KYNU: variants seen among roughly 807,000 people sequenced by gnomAD.
The protein encoded by KYNU is L-kynurenine hydrolase.
Under a neutral mutation model 59.2 loss-of-function variants are expected in KYNU, and 54 were observed. The observed-to-expected ratio is 0.91, with a 90% CI of 0.73 to 1.14. The LOEUF (loss-of-function observed/expected upper bound fraction) is 1.14, where lower values mean the gene tolerates loss of function less well. KYNU is among the 50% of genes most tolerant of loss of function. The pLI, the probability that KYNU is intolerant of heterozygous loss-of-function variation, is 0.00. For missense variants in KYNU, 567 were observed against 554.4 expected (o/e 1.02, Z -0.23); for synonymous variants, 177 against 192.0 (o/e 0.92, Z 0.65).
At chr2:143,010,507 A>G (rs1452207725) in intron 10 of KYNU, among the ~76,000 whole-genome samples, 4 of 125,972 alleles carry the variant, frequency 3.2e-5, no homozygotes, top group East Asian at 4.8e-4. Flanking sequence ...TACAGATTCA[A>G]TGCCATCCCC....
intron 8 of KYNU, chr2:142,971,514 C>T (rs1162198053): frequency 6.6e-6 from 1 of 152,196 alleles, no homozygotes; most frequent in East Asian, 1.9e-4. Flanking sequence ...TACTTCCACA[C>T]CATGATGAAA....
rs1215928350 is a variant in KYNU at position 143,053,419 on chromosome 2, G to A, written c.*11247G>A. 6.6e-6 allele frequency: 1 copy of A among 152,208 alleles called. No homozygotes were observed. Among genetic ancestry groups the A allele is most frequent in the East Asian group, 1.9e-4 (1 of 5,194 alleles). The allele number at this position is 152,208 out of a possible 1,614,324, so 9.4% of individuals were successfully genotyped here. On this transcript the variant is annotated 3_prime_UTR_variant, in exon 14 of 14. Transcript: ENST00000264170. ...TGAGTTAAGACTTTGGGTGACTGTT[G>A]CGAAGACATGATTGGTTTTGAAATG...
In KYNU at chr2:142,985,142, A is replaced by G. The variant is rs1458654786; in HGVS notation, c.788A>G (p.His263Arg). 2.5e-6 allele frequency: 4 copies of G among 1,611,354 alleles called. No homozygotes were observed. The highest frequency in any genetic ancestry group is 3.4e-6 in the Non-Finnish European group (4 of 1,178,092). Residue 263 changes from histidine to arginine, a missense_variant, in exon 9 of 14, where the codon CAT (histidine) becomes CGT (arginine). By Grantham distance (29) the His-to-Arg change is conservative. Transcript: ENST00000264170. ...GTTGGAAATGTTGAACTCTACTTAC[A>G]TGACTGGGGAGTTGATTTTGCCTGC... ...HAVGNVELYL[H>R]DWGVDFACWC...
At chr2:142,878,677 G>A (rs1010841759) in intron 1 of KYNU, among the ~76,000 whole-genome samples, 14 of 152,058 alleles carry the variant, frequency 9.2e-5, no homozygotes, top group South Asian at 4.1e-4. Flanking sequence ...CTGTGATTTC[G>A]TTAAAATCAA....
At chr2:143,015,452 T>A (rs891218717) in intron 10 of KYNU, among the ~76,000 whole-genome samples, 3 of 152,126 alleles carry the variant, frequency 2.0e-5, no homozygotes, top group African/African-American at 7.2e-5. Flanking sequence ...TGGTAATTAT[T>A]CACAGTGTCA....
In KYNU at chr2:143,042,917, C is replaced by T. The variant is rs1466821019; in HGVS notation, c.*745C>T. 1.3e-5 allele frequency: 2 copies of T among 149,892 alleles called. No individual in the cohort carries two copies. Among genetic ancestry groups the T allele is most frequent in the Non-Finnish European group, 3.0e-5 (2 of 67,196 alleles). 9.3% of individuals were successfully genotyped at this position (149,892 alleles called of 1,614,324 possible). A position where few individuals can be genotyped will look rare whatever the true frequency, so the allele number is the denominator to read the frequency against. On this transcript the variant is annotated 3_prime_UTR_variant, in exon 14 of 14. Transcript: ENST00000264170. ...GAAATTAGCATGCATCTCAAATAAA[C>T]AGTTACCATCTTCTATTTGATAAAA...
intron 12 of KYNU, among the ~76,000 whole-genome samples, chr2:143,034,563 A>G (rs1283290288): frequency 1.3e-5 from 2 of 152,188 alleles, no homozygotes; most frequent in African/African-American, 2.4e-5. Context: ...TACTCAGTTT[A>G]ACCACTAGAT....
At chr2:142,953,525 C>T (rs1002252538) in intron 4 of KYNU, among the ~76,000 whole-genome samples, 1 of 152,162 alleles carries the variant, frequency 6.6e-6, no homozygotes, top group African/African-American at 2.4e-5. Context: ...GAAATCTTCT[C>T]TTTGAAACAT....
chr2:142,904,794 C>T (rs1682228010), intron 2 of KYNU, among the ~76,000 whole-genome samples: 1 of 152,148 alleles, frequency 6.6e-6, no homozygotes, highest in Non-Finnish European at 1.5e-5. Context: ...CGGTGTGTAA[C>T]CACCCATGGA....
chr2:142,985,002 C>G lies in KYNU; in HGVS notation c.730-82C>G, dbSNP rs1685156837. 8.0e-6 allele frequency: 7 copies of G among 871,740 alleles called. No individual in the cohort carries two copies. In the South Asian group the frequency reaches 9.5e-5, roughly 12 times the overall value. 54.0% of individuals were successfully genotyped at this position (871,740 alleles called of 1,614,324 possible). A position where few individuals can be genotyped will look rare whatever the true frequency, so the allele number is the denominator to read the frequency against. ...CATAATTTATGGTACAGAAGTTTGTCAAATGTTTTCTTAAAAATATTTGTA... is the reference window on the plus strand; with the variant it reads ...CATAATTTATGGTACAGAAGTTTGTGAAATGTTTTCTTAAAAATATTTGTA... On this transcript the variant is annotated intron_variant, in intron 8 of 13. Coordinates refer to ENST00000264170, the MANE Select transcript of KYNU (RefSeq NM_003937.3).
At position 143,055,620 on chromosome 2, in the gene KYNU, GTCA is replaced by G. The variant is rs1360764432; in HGVS notation, c.*13451_*13453del. On this transcript the variant is annotated 3_prime_UTR_variant, in exon 14 of 14. Transcript: ENST00000264170. ...ACATGGACATCTTTGAGGGTCATTA[GTCA>G]TCTTACCACAGGAAGGAAGGAAGGA... 3.5e-5 allele frequency: 5 copies of G among 142,530 alleles called. No homozygotes were observed. The highest frequency in any genetic ancestry group is 1.3e-4 in the African/African-American group (5 of 37,874). 8.8% of individuals were successfully genotyped at this position (142,530 alleles called of 1,614,324 possible).
In KYNU at chr2:142,954,857, T is replaced by A. The variant is rs1248062805; in HGVS notation, c.421T>A (p.Leu141Ile). The stretch of plus-strand genomic sequence containing the variant: ...CCTAATGAATGCTTTGACTGTAAAT[T>A]TACATCTTCTAATGGTAAGTTTTCT... ...IALMNALTVN[L>I]HLLMLSFFKP... The change falls in exon 5 of 14, where the codon TTA becomes ATA. Residue 141 changes from leucine (L) to isoleucine (I), a missense_variant. Leu to Ile is a conservative substitution (Grantham distance 5). Coordinates refer to ENST00000264170, the MANE Select transcript of KYNU (RefSeq NM_003937.3). 10 of 1,592,874 alleles carry A rather than the reference T, an allele frequency of 6.3e-6. No individual in the cohort carries two copies. The highest frequency in any genetic ancestry group is 8.6e-6 in the Non-Finnish European group (10 of 1,161,180).
intron 11 of KYNU, among the ~76,000 whole-genome samples, chr2:143,030,755 TG>T (rs1686716358): frequency 6.7e-6 from 1 of 150,246 alleles, no homozygotes; most frequent in Non-Finnish European, 1.5e-5. Flanking sequence ...TGACTTACAA[TG>T]GGGTTATTTC....
intron 2 of KYNU, among the ~76,000 whole-genome samples, chr2:142,886,882 A>G (rs1433041771): frequency 6.6e-6 from 1 of 152,086 alleles, no homozygotes; most frequent in Admixed American, 6.5e-5. Flanking sequence ...TAAAAATAGC[A>G]TTGTACAGCC....
intron 7 of KYNU, among the ~76,000 whole-genome samples, chr2:142,959,358 A>T (rs1270766211): frequency 6.6e-6 from 1 of 152,172 alleles, no homozygotes; most frequent in East Asian, 1.9e-4. Context: ...AGTTTGAGAC[A>T]GGCAGATCAC....
chr2:142,952,911 C>T lies in KYNU; in HGVS notation c.374-1899C>T, dbSNP rs76179840. Among the ~76,000 whole-genome samples, 672 of 152,120 alleles carry T rather than the reference C, an allele frequency of 4.4e-3. 15 individuals carry two copies. In the East Asian group the frequency reaches 0.045, roughly 10 times the overall value. On this transcript the variant is annotated intron_variant, in intron 4 of 13. Coordinates refer to ENST00000264170, the MANE Select transcript of KYNU (RefSeq NM_003937.3). ...CATATTACTTTTTCTTTCCTCCTTC[C>T]ACTCACCCTGCCATTTTTTTTAAAT...
At chr2:142,931,036 G>C (rs950548301) in intron 4 of KYNU, among the ~76,000 whole-genome samples, 5 of 152,196 alleles carry the variant, frequency 3.3e-5, no homozygotes, top group African/African-American at 1.2e-4. Flanking sequence ...TAACTGCTGC[G>C]TTGTACCTGG....
At chr2:142,978,792 A>T (rs1264550216) in intron 8 of KYNU, among the ~76,000 whole-genome samples, 1 of 152,162 alleles carries the variant, frequency 6.6e-6, no homozygotes, top group Non-Finnish European at 1.5e-5. Flanking sequence ...CAAATATCTT[A>T]TCTTGTATAA....
intron 10 of KYNU, among the ~76,000 whole-genome samples, chr2:143,012,842 T>C (rs1202359900): frequency 6.6e-6 from 1 of 152,214 alleles, no homozygotes; most frequent in Admixed American, 6.5e-5. Context: ...TCCTCTGACC[T>C]ACCTGTCTGC....
Sources: allele counts gnomAD v4.1 joint callset (sites outside exome capture counted in the v4.1 genomes callset), GRCh38; gene constraint gnomAD v4.1.1; transcripts MANE v1.5; gene names NCBI Gene and HGNC (gene_info 2026-07-23, HGNC 2026-07-21).